Variants in NXPH2 observed in about 807,000 individuals in gnomAD.
The protein encoded by NXPH2 is neurexophilin 2.
A neutral mutation model predicts 19.8 loss-of-function variants in NXPH2; 5 were observed. The observed-to-expected ratio is 0.25, with a 90% CI of 0.13 to 0.53. The LOEUF (loss-of-function observed/expected upper bound fraction) is 0.53. Ranked by LOEUF, NXPH2 falls within the 20% of genes least tolerant of loss-of-function variation. The pLI is 0.96. For missense variants in NXPH2, 289 were observed against 322.8 expected, an observed-to-expected ratio of 0.90 and a Z score of 0.80; for synonymous variants, 154 against 127.4, an observed-to-expected ratio of 1.21 and a Z score of -1.41.
intron 1 of NXPH2, among the ~76,000 whole-genome samples, chr2:138,766,891 A>C (rs993393919): frequency 6.6e-6 from 1 of 152,224 alleles, no homozygotes; most frequent in Admixed American, 6.5e-5. Flanking sequence ...AAGTAAACAA[A>C]GATGCATACT....
intron 1 of NXPH2, among the ~76,000 whole-genome samples, chr2:138,744,365 C>T (rs1375256535): frequency 8.6e-5 from 13 of 151,960 alleles, no homozygotes; most frequent in Admixed American, 8.5e-4. Context: ...AAAGACAAGG[C>T]TTTTCCAGAG....
intron 1 of NXPH2, among the ~76,000 whole-genome samples, chr2:138,688,440 C>T (rs1464712917): frequency 3.9e-5 from 6 of 152,126 alleles, no homozygotes; most frequent in African/African-American, 1.2e-4. Context: ...CCTCAACCTC[C>T]GAATGTGCTA....
At chr2:138,705,500 A>G (rs1437032276) in intron 1 of NXPH2, among the ~76,000 whole-genome samples, 1 of 152,114 alleles carries the variant, frequency 6.6e-6, no homozygotes, top group Non-Finnish European at 1.5e-5. Flanking sequence ...AATCCCTCTT[A>G]GTAGATTTTA....
chr2:138,693,778 C>T (rs1225027854), intron 1 of NXPH2, among the ~76,000 whole-genome samples: 1 of 152,062 alleles, frequency 6.6e-6, no homozygotes, highest in East Asian at 1.9e-4. Flanking sequence ...ATGAGGACTG[C>T]CCATCAACAG....
intron 1 of NXPH2, among the ~76,000 whole-genome samples, chr2:138,735,939 A>C (rs1372231793): frequency 6.6e-6 from 1 of 152,234 alleles, no homozygotes; most frequent in Non-Finnish European, 1.5e-5. Flanking sequence ...TTAAAGCTCC[A>C]AAATGATCTC....
At position 138,671,473 on chromosome 2, in the gene NXPH2, C is replaced by G. The variant is rs550166547; in HGVS notation, c.244G>C (p.Asp82His). The change falls in exon 2 of 2, where the codon GAT becomes CAT. Residue 82 changes from aspartate (D) to histidine (H), a missense_variant. Transcript: ENST00000272641. ...ATCTCCGTGATGTTGGCCAGCCAATCCCAAAAGTTTTCCATGCTGTCTGCG... is the reference window on the plus strand; with the variant it reads ...ATCTCCGTGATGTTGGCCAGCCAATGCCAAAAGTTTTCCATGCTGTCTGCG... ...AYADSMENFW[D>H]WLANITEIQE... 21 of 1,613,864 alleles carry G rather than the reference C, an allele frequency of 1.3e-5. No homozygotes were observed. The highest frequency in any genetic ancestry group is 1.4e-5 in the Non-Finnish European group (16 of 1,179,792).
intron 1 of NXPH2, among the ~76,000 whole-genome samples, chr2:138,707,346 C>T (rs1172128988): frequency 6.6e-6 from 1 of 152,094 alleles, no homozygotes; most frequent in East Asian, 1.9e-4. Context: ...AAGGTTTGAT[C>T]CTACATCAAA....
In NXPH2 at chr2:138,730,179, TC is replaced by T. The variant is rs1293845855; in HGVS notation, c.51+50011del. 2.0e-5 allele frequency among the ~76,000 whole-genome samples: 3 copies of T among 148,722 alleles called. No homozygotes were observed. The East Asian group carries it at 6.4e-4, about 32-fold the overall frequency. ...GACATATGACTTTTTAACCTAAAGT[TC>T]CCCCACCCCACCCTTTTTTTTTTCT... On this transcript the variant is annotated intron_variant, in intron 1 of 1. Transcript: ENST00000272641.
intron 1 of NXPH2, among the ~76,000 whole-genome samples, chr2:138,761,132 G>A (rs1682008117): frequency 6.6e-6 from 1 of 152,122 alleles, no homozygotes; most frequent in Non-Finnish European, 1.5e-5. Flanking sequence ...AGATTTTGTT[G>A]AAACCTATTG....
chr2:138,757,227 T>C (rs1342735390), intron 1 of NXPH2, among the ~76,000 whole-genome samples: 1 of 152,198 alleles, frequency 6.6e-6, no homozygotes. Context: ...GTAGGAAATG[T>C]TGGCTAGGCT....
chr2:138,734,498 C>G (rs757755958), intron 1 of NXPH2, among the ~76,000 whole-genome samples: 4 of 152,114 alleles, frequency 2.6e-5, no homozygotes, highest in Non-Finnish European at 5.9e-5. Context: ...AAGAAATGGT[C>G]AAGCCAGGGA....
intron 1 of NXPH2, among the ~76,000 whole-genome samples, chr2:138,691,588 G>A (rs67318724): frequency 0.24 from 36,208 of 152,074 alleles, 5,054 homozygotes; most frequent in Non-Finnish European, 0.28. Context: ...CTGCATCAGG[G>A]AATTTATTCC....
chr2:138,736,577 G>T, intron 1 of NXPH2, among the ~76,000 whole-genome samples: 1 of 152,174 alleles, frequency 6.6e-6, no homozygotes, highest in Non-Finnish European at 1.5e-5. Flanking sequence ...AAAGGGAGGG[G>T]CTGCCATGAA....
chr2:138,776,157 G>A (rs747442615), intron 1 of NXPH2, among the ~76,000 whole-genome samples: 27 of 152,076 alleles, frequency 1.8e-4, no homozygotes, highest in Non-Finnish European at 2.2e-4. Context: ...AAAGGTGGGC[G>A]GTGTCTTATA....
chr2:138,671,550 A>G lies in NXPH2; in HGVS notation c.167T>C (p.Leu56Pro). 3.7e-6 allele frequency: 6 copies of G among 1,614,002 alleles called. No homozygotes were observed. Among genetic ancestry groups the G allele is most frequent in the Non-Finnish European group, 5.1e-6 (6 of 1,179,872 alleles). Residue 56 changes from leucine (L) to proline (P), a missense_variant, in exon 2 of 2, where the codon CTG becomes CCG. Transcript: ENST00000272641. The part of the protein sequence containing the change: ...NVVHSRIISP[L>P]RLFVKQSPVP... ...CGGAGACTGTTTAACAAACAGGCGCAGGGGACTGATGATCCTTGAGTGCAC... is the reference window on the plus strand; with the variant it reads ...CGGAGACTGTTTAACAAACAGGCGCGGGGGACTGATGATCCTTGAGTGCAC...
At chr2:138,714,816 C>T (rs753800628) in intron 1 of NXPH2, among the ~76,000 whole-genome samples, 1 of 152,246 alleles carries the variant, frequency 6.6e-6, no homozygotes, top group Admixed American at 6.5e-5. Context: ...AGACTATGTA[C>T]CTAAACAACT....
chr2:138,706,506 G>A (rs1681011802), intron 1 of NXPH2, among the ~76,000 whole-genome samples: 1 of 152,160 alleles, frequency 6.6e-6, no homozygotes, highest in Non-Finnish European at 1.5e-5. Context: ...TGAGACAGCT[G>A]TTTGTCCCCA....
At chr2:138,767,529 TGGTTTGCTGCACCTAATC>T (rs1387799845) in intron 1 of NXPH2, among the ~76,000 whole-genome samples, 1 of 152,240 alleles carries the variant, frequency 6.6e-6, no homozygotes, top group Non-Finnish European at 1.5e-5. Context: ...TGTGCCATGG[TGGTTTGCTGCACCTAATC>T]ATTTTTACCT....
At chr2:138,697,106 T>C (rs1680839762) in intron 1 of NXPH2, among the ~76,000 whole-genome samples, 1 of 152,132 alleles carries the variant, frequency 6.6e-6, no homozygotes, top group Non-Finnish European at 1.5e-5. Context: ...ATTCCATTTA[T>C]ATGAAACTCT....
Sources: gnomAD v4.1 joint callset for allele counts (sites outside exome capture counted in the v4.1 genomes callset) on GRCh38, gnomAD v4.1.1 for gene constraint, MANE v1.5 for transcripts, NCBI Gene and HGNC (gene_info 2026-07-23, HGNC 2026-07-21) for gene names.